The following NEIL2 variants were observed in gnomAD, a reference collection of about 807,000 sequenced individuals.
NEIL2 encodes the protein endonuclease 8-like 2.
Under a neutral mutation model 22.2 loss-of-function variants are expected in NEIL2, and 23 were observed. The observed-to-expected ratio is 1.04, with a 90% CI of 0.75 to 1.47. NEIL2 has a LOEUF of 1.47. Ranked by LOEUF, NEIL2 falls within the 40% of genes most tolerant of loss-of-function variation. The pLI is 0.00. For synonymous variants in NEIL2, 229 were observed against 164.8 expected (o/e 1.39, Z -2.99); for missense variants, 583 against 404.7 (o/e 1.44, Z -3.78).
At chr8:11,781,295 G>A (rs1167343902) in intron 3 of NEIL2, among the ~76,000 whole-genome samples, 1 of 152,116 alleles carries the variant, frequency 6.6e-6, no homozygotes, top group Non-Finnish European at 1.5e-5. Flanking sequence ...GTGGGCTTTG[G>A]GGCTGCCGTT....
chr8:11,771,164 C>CCCA (rs2130422795), intron 1 of NEIL2, among the ~76,000 whole-genome samples: 1 of 152,194 alleles, frequency 6.6e-6, no homozygotes, highest in South Asian at 2.1e-4. Flanking sequence ...GTGGATGGTG[C>CCCA]CCATGATGTG....
chr8:11,780,252 A>G (rs1032151845), intron 3 of NEIL2, among the ~76,000 whole-genome samples: 2 of 152,152 alleles, frequency 1.3e-5, no homozygotes, highest in African/African-American at 4.8e-5. Context: ...ACTCCTGACT[A>G]GTGTGCTTTG....
intron 3 of NEIL2, among the ~76,000 whole-genome samples, chr8:11,782,042 C>T (rs1384305355): frequency 3.3e-5 from 5 of 151,956 alleles, no homozygotes; most frequent in Admixed American, 6.6e-5. Flanking sequence ...CCAGCCTGGG[C>T]AACAGAGCAA....
Position 11,786,075 on chromosome 8 carries a change from C to T in NEIL2, c.801C>T (p.Phe267=), listed in dbSNP as rs8191665. The T allele has an allele frequency of 1.9e-6, 3 of 1,614,056 alleles. No individual in the cohort carries two copies. Among genetic ancestry groups the T allele is most frequent in the East Asian group, 4.5e-5 (2 of 44,894 alleles). ...TCCTGGTGGATCACGTGGTGGAGTT[C>T]AGTACAGCCTGGCTGCAGGGCAAGT... The part of the protein sequence containing the change: ...REVLVDHVVE[F]STAWLQGKFQ... The change falls in exon 5 of 5, where the codon TTC becomes TTT. Residue 267 remains phenylalanine (F), a synonymous_variant. Coordinates refer to ENST00000284503, the MANE Select transcript of NEIL2 (RefSeq NM_145043.4).
At chr8:11,772,690 G>GT (rs1803569397) in intron 2 of NEIL2, among the ~76,000 whole-genome samples, 2 of 152,246 alleles carry the variant, frequency 1.3e-5, no homozygotes, top group African/African-American at 4.8e-5. Context: ...ACTTAGCTGA[G>GT]TGCCGGCACG....
rs199924592 is a variant in NEIL2, at chr8:11,771,600, C to T, written c.138+15C>T. On this transcript the variant is annotated intron_variant, in intron 2 of 4. Coordinates refer to ENST00000284503, the MANE Select transcript of NEIL2 (RefSeq NM_145043.4). Reference sequence around the variant, plus strand: ...AGGACACCCAGGTGAGGTAATACTCCTCTGAAGGGTTGGCTCTGTCGCCCA... The same window carrying T: ...AGGACACCCAGGTGAGGTAATACTCTTCTGAAGGGTTGGCTCTGTCGCCCA... The T allele has an allele frequency of 3.0e-5, 48 of 1,609,864 alleles. No homozygotes were observed. The highest frequency in any genetic ancestry group is 3.7e-5 in the Non-Finnish European group (43 of 1,177,160).
intron 2 of NEIL2, among the ~76,000 whole-genome samples, chr8:11,772,869 C>G (rs8191546): frequency 6.6e-6 from 1 of 152,126 alleles, no homozygotes; most frequent in Non-Finnish European, 1.5e-5. Context: ...TGGCACATAA[C>G]GGGTACTCCA....
chr8:11,775,391 C>G (rs192006024), intron 2 of NEIL2, among the ~76,000 whole-genome samples: 76 of 152,318 alleles, frequency 5.0e-4, no homozygotes, highest in African/African-American at 1.7e-3. Flanking sequence ...GCACCAAGTC[C>G]CTAGGCTGCA....
chr8:11,774,090 G>A (rs143769043), intron 2 of NEIL2, among the ~76,000 whole-genome samples: 31 of 152,284 alleles, frequency 2.0e-4, no homozygotes, highest in African/African-American at 7.2e-4. Flanking sequence ...TTATAAAACC[G>A]TCAGGCCAGG....
chr8:11,774,936 GGTACA>G (rs1803779070), intron 2 of NEIL2, among the ~76,000 whole-genome samples: 1 of 152,234 alleles, frequency 6.6e-6, no homozygotes, highest in African/African-American at 2.4e-5. Flanking sequence ...GCTTTGGTAG[GGTACA>G]GTCCGTCATC....
chr8:11,774,152 G>T (rs1171298208), intron 2 of NEIL2, among the ~76,000 whole-genome samples: 2 of 152,142 alleles, frequency 1.3e-5, no homozygotes, highest in Non-Finnish European at 2.9e-5. Flanking sequence ...GAGGTGGGCA[G>T]GTCGCCTGAG....
At chr8:11,778,729 A>G (rs1804122289) in intron 2 of NEIL2, among the ~76,000 whole-genome samples, 2 of 152,238 alleles carry the variant, frequency 1.3e-5, no homozygotes, top group South Asian at 2.1e-4. Context: ...AGACGGGCAG[A>G]TCGCTTGAGG....
intron 2 of NEIL2, among the ~76,000 whole-genome samples, chr8:11,778,794 A>G (rs1804132176): frequency 6.6e-6 from 1 of 152,010 alleles, no homozygotes; most frequent in East Asian, 1.9e-4. Flanking sequence ...TCTGCTAAAT[A>G]TACAAAAATT....
chr8:11,771,736 C>T (rs1053116602), intron 2 of NEIL2, 151 bp downstream of exon 2: 3 of 728,606 alleles, frequency 4.1e-6, no homozygotes, highest in Non-Finnish European at 4.5e-6. Flanking sequence ...TCTCACGTGT[C>T]TCAGCCAGAA....
intron 1 of NEIL2, among the ~76,000 whole-genome samples, chr8:11,770,768 G>T (rs532042651): frequency 1.3e-5 from 2 of 152,072 alleles, no homozygotes; most frequent in South Asian, 4.2e-4. Context: ...GGATGATTTG[G>T]GGGCAGGGAG....
At chr8:11,775,194 C>T (rs986876876) in intron 2 of NEIL2, among the ~76,000 whole-genome samples, 3 of 152,384 alleles carry the variant, frequency 2.0e-5, no homozygotes, top group African/African-American at 7.2e-5. Flanking sequence ...CCTGGACATC[C>T]CGTTGTTTCT....
intron 2 of NEIL2, among the ~76,000 whole-genome samples, chr8:11,778,173 TG>T (rs1465242390): frequency 6.6e-6 from 1 of 152,234 alleles, no homozygotes; most frequent in East Asian, 1.9e-4. Flanking sequence ...GTAAATGTTT[TG>T]TTCATGATGG....
Position 11,783,372 on chromosome 8 carries a change from C to T in NEIL2, c.661C>T (p.Leu221=). 1.2e-6 allele frequency: 2 copies of T among 1,614,142 alleles called. No homozygotes were observed. Among genetic ancestry groups the T allele is most frequent in the South Asian group, 1.1e-5 (1 of 91,086 alleles). ...GGCTCAGCCTGTCTGCTATACACTG[C>T]TGGACCAGAGATACTTCTCAGGGCT... ...GQAQPVCYTL[L]DQRYFSGLGN... The change falls in exon 4 of 5, where the codon CTG becomes TTG. Residue 221 remains leucine (L), a synonymous_variant. Coordinates refer to ENST00000284503, the MANE Select transcript of NEIL2 (RefSeq NM_145043.4).
chr8:11,785,279 C>G (rs1382791616), intron 4 of NEIL2, among the ~76,000 whole-genome samples: 2 of 152,110 alleles, frequency 1.3e-5, no homozygotes, highest in African/African-American at 4.8e-5. Flanking sequence ...TACTGCAAGC[C>G]CCACCTCCCA....
Sources: allele counts gnomAD v4.1 joint callset (sites outside exome capture counted in the v4.1 genomes callset), GRCh38; gene constraint gnomAD v4.1.1; transcripts MANE v1.5; gene names NCBI Gene and HGNC (gene_info 2026-07-23, HGNC 2026-07-21).